EIF4G3: variants seen among roughly 807,000 people sequenced by gnomAD.
The protein encoded by EIF4G3 is eIF-4-gamma 3.
A neutral mutation model predicts 186.4 loss-of-function variants in EIF4G3; 34 were observed. The ratio of observed to expected loss-of-function variants is 0.18; its 90% CI spans 0.14 to 0.24. EIF4G3 has a LOEUF of 0.24. EIF4G3 is among the 10% of genes least tolerant of loss of function. The pLI is 1.00. For missense variants in EIF4G3, 1,536 were observed against 1,948.5 expected (o/e 0.79, Z 3.99); for synonymous variants, 673 against 679.5 (o/e 0.99, Z 0.15).
At chr1:20,867,709 T>C (rs1279314586) in intron 20 of EIF4G3, among the ~76,000 whole-genome samples, 1 of 152,102 alleles carries the variant, frequency 6.6e-6, no homozygotes, top group Non-Finnish European at 1.5e-5. Context: ...ATAACATAGC[T>C]ATCAAAGAAA....
chr1:20,996,451 G>T (rs922825219), intron 7 of EIF4G3, among the ~76,000 whole-genome samples: 1 of 152,064 alleles, frequency 6.6e-6, no homozygotes, highest in African/African-American at 2.4e-5. Context: ...CCATCCTCCT[G>T]CAAAGTACCT....
chr1:20,812,465 G>A (rs978245861), intron 35 of EIF4G3, among the ~76,000 whole-genome samples: 1 of 152,150 alleles, frequency 6.6e-6, no homozygotes, highest in African/African-American at 2.4e-5. Context: ...TATATTAAGT[G>A]GCAGAAAGCC....
chr1:20,824,527 T>A (rs1193159263), intron 33 of EIF4G3, among the ~76,000 whole-genome samples: 1 of 152,214 alleles, frequency 6.6e-6, no homozygotes. Flanking sequence ...GTTTTATGGT[T>A]ACCTCAACCT....
chr1:21,028,931 G>T (rs956480199), intron 4 of EIF4G3, among the ~76,000 whole-genome samples: 2 of 152,266 alleles, frequency 1.3e-5, no homozygotes, highest in Admixed American at 1.3e-4. Flanking sequence ...TGTTGCCCAA[G>T]CGGGAGTTCA....
chr1:21,007,953 A>G (rs2085761396), intron 4 of EIF4G3, among the ~76,000 whole-genome samples: 1 of 152,226 alleles, frequency 6.6e-6, no homozygotes, highest in Non-Finnish European at 1.5e-5. Flanking sequence ...AATTTAATAA[A>G]GAAAACCTCT....
At position 21,002,772 on chromosome 1, in the gene EIF4G3, T is replaced by A. The variant is rs1377683164; in HGVS notation, c.-30A>T. 6.2e-7 allele frequency: 1 copy of A among 1,613,620 alleles called. No homozygotes were observed. Among genetic ancestry groups the A allele is most frequent in the Admixed American group, 1.7e-5 (1 of 59,972 alleles). ...TGAGGGGTTTGAGGGTATACCAGCG[T>A]GGTTGGACCTGCATTCTGTCCAGAG... On this transcript the variant is annotated 5_prime_UTR_variant, in exon 5 of 37. Transcript: ENST00000602326.
chr1:20,886,192 T>C lies in EIF4G3; in HGVS notation c.2424+9A>G, dbSNP rs746361352. 1 of 1,605,268 alleles carries C rather than the reference T, an allele frequency of 6.2e-7. No individual in the cohort carries two copies. ...TCAAAAGAATGTTAGGATATGCTTT[T>C]GTTCTCACCTGGGTTTTAATGTTTT... On this transcript the variant is annotated intron_variant, in intron 19 of 36. Transcript: ENST00000602326.
chr1:21,062,338 G>A (rs905926774), intron 3 of EIF4G3, among the ~76,000 whole-genome samples: 2 of 152,022 alleles, frequency 1.3e-5, no homozygotes, highest in Admixed American at 1.3e-4. Flanking sequence ...GGGATTACAG[G>A]CATGAGCCAC....
At chr1:20,921,280 T>C (rs1009781792) in intron 14 of EIF4G3, among the ~76,000 whole-genome samples, 1 of 152,152 alleles carries the variant, frequency 6.6e-6, no homozygotes, top group Non-Finnish European at 1.5e-5. Flanking sequence ...AATTTAAAGG[T>C]AGTGGGCTTG....
chr1:20,898,629 G>A (rs991058532), intron 16 of EIF4G3, among the ~76,000 whole-genome samples: 1 of 152,086 alleles, frequency 6.6e-6, no homozygotes, highest in Non-Finnish European at 1.5e-5. Context: ...TATTGATCTA[G>A]ATTACCTTTG....
intron 20 of EIF4G3, 32 bp downstream of exon 20, chr1:20,879,291 A>AT (rs1374104590): frequency 6.5e-7 from 1 of 1,527,696 alleles, no homozygotes; most frequent in Non-Finnish European, 8.8e-7. Context: ...CCTCTTGAAG[A>AT]TTTCTCGTTT....
intron 2 of EIF4G3, among the ~76,000 whole-genome samples, chr1:21,135,912 G>A (rs780578681): frequency 1.3e-5 from 2 of 152,200 alleles, no homozygotes; most frequent in East Asian, 1.9e-4. Context: ...GGCCGGGCGC[G>A]GTGGCTCACG....
intron 18 of EIF4G3, chr1:20,892,785 A>G: frequency 8.0e-7 from 1 of 1,243,268 alleles, no homozygotes; most frequent in Non-Finnish European, 1.1e-6. Flanking sequence ...AGAGATCTCC[A>G]GTATTTTAGG....
chr1:20,954,585 G>A (rs1408235492), intron 12 of EIF4G3, among the ~76,000 whole-genome samples: 2 of 136,860 alleles, frequency 1.5e-5, no homozygotes, highest in Non-Finnish European at 3.2e-5. Context: ...TATACTTAAC[G>A]ATGCCAGGAA....
Position 20,899,706 on chromosome 1 carries a change from A to G in EIF4G3, c.1990T>C (p.Phe664Leu), listed in dbSNP as rs753702879. 3 of 1,614,038 alleles carry G rather than the reference A, an allele frequency of 1.9e-6. No individual in the cohort carries two copies. In the East Asian group the frequency reaches 6.7e-5, roughly 36 times the overall value. Residue 664 changes from phenylalanine to leucine, a missense_variant, in exon 16 of 37, where the codon TTT (phenylalanine) becomes CTT (leucine). Physicochemically the swap from Phe to Leu is conservative, Grantham distance 22. Around this residue, in one of 11 missense-constraint regions of EIF4G3, gnomAD observed 560 missense variants for 547.8 expected, o/e 1.02. Coordinates refer to ENST00000602326, the MANE Select transcript of EIF4G3 (RefSeq NM_001391906.1). ...DSSGDGVTFP[F>L]KPESWKPTDT... The stretch of plus-strand genomic sequence containing the variant: ...GCAGGTATAAACTTACCTGGTTTAA[A>G]TGGAAATGTAACCCCATCACCAGAA...
intron 10 of EIF4G3, among the ~76,000 whole-genome samples, chr1:20,977,000 A>G (rs1292266039): frequency 6.6e-6 from 1 of 152,144 alleles, no homozygotes; most frequent in Non-Finnish European, 1.5e-5. Flanking sequence ...TATAGTATGA[A>G]AGGAAAACAA....
chr1:21,156,771 T>C (rs556115482), intron 2 of EIF4G3, among the ~76,000 whole-genome samples: 1 of 152,082 alleles, frequency 6.6e-6, no homozygotes, highest in South Asian at 2.1e-4. Context: ...CAGCAAAACC[T>C]TGGAAAACCT....
intron 2 of EIF4G3, among the ~76,000 whole-genome samples, chr1:21,117,415 T>C (rs2096844398): frequency 6.6e-6 from 1 of 152,106 alleles, no homozygotes; most frequent in African/African-American, 2.4e-5. Context: ...CAAAACCAAA[T>C]GCTGCAGTGT....
At chr1:21,165,380 T>C (rs1230866949) in intron 2 of EIF4G3, among the ~76,000 whole-genome samples, 3 of 152,176 alleles carry the variant, frequency 2.0e-5, no homozygotes, top group Non-Finnish European at 4.4e-5. Context: ...AAAACATCCA[T>C]GAACGGTCAC....
Sources: allele counts gnomAD v4.1 joint callset (sites outside exome capture counted in the v4.1 genomes callset), GRCh38; gene constraint gnomAD v4.1.1; regional missense constraint gnomAD v4.1.1; transcripts MANE v1.5; gene names NCBI Gene and HGNC (gene_info 2026-07-23, HGNC 2026-07-21).